MBNL2: variants seen among roughly 807,000 people sequenced by gnomAD.
MBNL2 encodes muscleblind-like protein 2.
A neutral mutation model predicts 41.9 loss-of-function variants in MBNL2; 17 were observed. That is an observed-to-expected ratio of 0.41 (90% CI 0.28 to 0.61). The LOEUF (loss-of-function observed/expected upper bound fraction) is 0.61, where lower values mean the gene tolerates loss of function less well. MBNL2 is among the 20% of genes least tolerant of loss of function. The pLI is 0.35. For missense variants in MBNL2, 336 were observed against 505.6 expected, an observed-to-expected ratio of 0.66 and a Z score of 3.22; for synonymous variants, 195 against 182.9, an observed-to-expected ratio of 1.07 and a Z score of -0.53.
chr13:97,279,189 A>G (rs2152936044), intron 2 of MBNL2, among the ~76,000 whole-genome samples: 1 of 152,360 alleles, frequency 6.6e-6, no homozygotes, highest in Non-Finnish European at 1.5e-5. Flanking sequence ...TGTGCAACAG[A>G]GAGAACCAGT....
rs562609595 is a variant in MBNL2 at position 97,368,520 on chromosome 13, C to G, written c.1048+3349C>G. The stretch of plus-strand genomic sequence containing the variant: ...TTTAGCCTTTTGGGCACTTAGAGAT[C>G]TTTTTTAAGAAAGGAAAAGAAGCCA... On this transcript the variant is annotated intron_variant, in intron 8 of 8. Transcript: ENST00000679496. Among the ~76,000 whole-genome samples the G allele has an allele frequency of 2.0e-5, 3 of 152,132 alleles. No individual in the cohort carries two copies. The East Asian group carries it at 5.8e-4, about 29-fold the overall frequency.
chr13:97,170,615 T>G, the MBNL2 span, among the ~76,000 whole-genome samples: 4 of 152,006 alleles, frequency 2.6e-5, no homozygotes, highest in Admixed American at 2.6e-4. Context: ...GCTGTTCTCT[T>G]GCACTCAGTT....
intron 2 of MBNL2, among the ~76,000 whole-genome samples, chr13:97,297,443 C>T (rs1158516635): frequency 6.6e-6 from 1 of 151,980 alleles, no homozygotes; most frequent in East Asian, 1.9e-4. Context: ...CCAGGGGTTG[C>T]GGAGGTCAGA....
the MBNL2 span, among the ~76,000 whole-genome samples, chr13:97,188,321 C>A: frequency 6.6e-6 from 1 of 152,172 alleles, no homozygotes; most frequent in Non-Finnish European, 1.5e-5. Context: ...GGCATACGGG[C>A]ACTCCCAGAC....
intron 2 of MBNL2, among the ~76,000 whole-genome samples, chr13:97,278,912 C>T (rs1167779332): frequency 2.0e-5 from 3 of 152,154 alleles, no homozygotes; most frequent in Non-Finnish European, 4.4e-5. Flanking sequence ...CAACCACTTC[C>T]CAGCCTTGGG....
chr13:97,153,052 G>C, the MBNL2 span, among the ~76,000 whole-genome samples: 2 of 152,140 alleles, frequency 1.3e-5, no homozygotes, highest in African/African-American at 2.4e-5. Flanking sequence ...TTCTGGTAAA[G>C]AGTTTGTACA....
intron 1 of MBNL2, among the ~76,000 whole-genome samples, chr13:97,237,803 A>ATG (rs1354034228): frequency 6.6e-6 from 1 of 152,168 alleles, no homozygotes; most frequent in Admixed American, 6.5e-5. Context: ...AAGCAGGTAA[A>ATG]TGAGGGGTCA....
intron 7 of MBNL2, among the ~76,000 whole-genome samples, chr13:97,361,035 C>A (rs972878830): frequency 1.3e-5 from 2 of 152,186 alleles, no homozygotes; most frequent in Admixed American, 6.5e-5. Flanking sequence ...TTAAAACATA[C>A]CTTGAACCCG....
In MBNL2 at chr13:97,283,040, C is replaced by T. The variant is rs146924423; in HGVS notation, c.174+6631C>T. On this transcript the variant is annotated intron_variant, in intron 2 of 8. Transcript: ENST00000679496. ...CGTTCACCATTTCCTTTAACATCTC[C>T]GTTTCATTTTGCAGATTTGGTCATT... Among the ~76,000 whole-genome samples the T allele has an allele frequency of 1.1e-4, 16 of 152,318 alleles. No individual in the cohort carries two copies. In the East Asian group the frequency reaches 2.9e-3, roughly 28 times the overall value.
At chr13:97,350,229 T>C (rs1486824271) in intron 5 of MBNL2, among the ~76,000 whole-genome samples, 6 of 152,188 alleles carry the variant, frequency 3.9e-5, no homozygotes, top group African/African-American at 4.8e-5. Flanking sequence ...GTCTGAAGAA[T>C]ATATACACAC....
At chr13:97,302,887 G>A (rs554452122) in intron 2 of MBNL2, among the ~76,000 whole-genome samples, 3 of 152,316 alleles carry the variant, frequency 2.0e-5, no homozygotes, top group Non-Finnish European at 1.5e-5. Flanking sequence ...GCAGCCAAGC[G>A]TGTTCCAGCG....
chr13:97,175,254 C>A, the MBNL2 span, among the ~76,000 whole-genome samples: 3 of 152,250 alleles, frequency 2.0e-5, no homozygotes, highest in South Asian at 6.2e-4. Flanking sequence ...AGGTGCCAGA[C>A]CTGCACTGCT....
Position 97,346,466 on chromosome 13 carries a change from TAGAC to T in MBNL2, c.541-326_541-323del, listed in dbSNP as rs199831984. Among the ~76,000 whole-genome samples, 2,216 of 152,256 alleles carry T rather than the reference TAGAC, an allele frequency of 0.015. 28 individuals are homozygous for T. Among genetic ancestry groups the T allele is most frequent in the Non-Finnish European group, 0.023 (1,589 of 68,018 alleles). On this transcript the variant is annotated intron_variant, in intron 4 of 8. Coordinates refer to ENST00000679496, the MANE Select transcript of MBNL2 (RefSeq NM_001382683.1). This position sits in a 1 kb window ranked among gnomAD's most constrained non-coding sequence, Gnocchi z 4.2. ...GATGATAGATATATGGATGGATGGA[TAGAC>T]AGACAGACAGATCGATAGACAGCTG...
chr13:97,216,492 T>C (rs185422492), upstream of MBNL2, among the ~76,000 whole-genome samples: 141 of 152,270 alleles, frequency 9.3e-4, no homozygotes, highest in African/African-American at 3.1e-3. Context: ...AGCCCTAAGA[T>C]TGAATAATCA....
intron 1 of MBNL2, among the ~76,000 whole-genome samples, chr13:97,233,937 C>T (rs941529479): frequency 6.7e-6 from 1 of 149,570 alleles, no homozygotes; most frequent in African/African-American, 2.5e-5. Flanking sequence ...CTGACGGCCC[C>T]ACCACACCAC....
chr13:97,178,876 G>T, the MBNL2 span, among the ~76,000 whole-genome samples: 1 of 152,136 alleles, frequency 6.6e-6, no homozygotes, highest in Non-Finnish European at 1.5e-5. Flanking sequence ...CAGCCTGGGT[G>T]ACAGAGAAAG....
intron 5 of MBNL2, among the ~76,000 whole-genome samples, chr13:97,350,255 T>C (rs760912399): frequency 1.3e-5 from 2 of 152,220 alleles, no homozygotes; most frequent in Non-Finnish European, 2.9e-5. Flanking sequence ...TTTTAAAATG[T>C]TGCTTAAAAG....
At chr13:97,181,232 C>G in the MBNL2 span, among the ~76,000 whole-genome samples, 2 of 152,148 alleles carry the variant, frequency 1.3e-5, no homozygotes, top group South Asian at 2.1e-4. Context: ...TCTGAAGACC[C>G]TGAATGTAAT....
intron 5 of MBNL2, among the ~76,000 whole-genome samples, chr13:97,353,434 G>C (rs970487155): frequency 1.3e-5 from 2 of 152,142 alleles, no homozygotes; most frequent in Non-Finnish European, 2.9e-5. Flanking sequence ...GGACAAACAG[G>C]AGTGATGAAT....
Sources: allele counts gnomAD v4.1 joint callset (sites outside exome capture counted in the v4.1 genomes callset), GRCh38; gene constraint gnomAD v4.1.1; non-coding constraint Gnocchi (gnomAD v3.1); transcripts MANE v1.5; gene names NCBI Gene and HGNC (gene_info 2026-07-23, HGNC 2026-07-21).